The following DDX27 variants were observed in gnomAD, a reference collection of about 807,000 sequenced individuals.
The protein encoded by DDX27 is probable ATP-dependent RNA helicase DDX27.
In DDX27, 42 loss-of-function variants were observed where a neutral mutation model predicts 99.3. That is an observed-to-expected ratio of 0.42 (90% CI 0.33 to 0.55). DDX27 has a LOEUF of 0.55. DDX27 is among the 20% of genes least tolerant of loss of function. The pLI is 0.07. For missense variants in DDX27, 798 were observed against 976.8 expected, an observed-to-expected ratio of 0.82 and a Z score of 2.44; for synonymous variants, 329 against 353.8, an observed-to-expected ratio of 0.93 and a Z score of 0.79.
chr20:49,226,286 ATAG>A (rs1979883456), intron 6 of DDX27, 141 bp from the exon 7 acceptor site: 1 of 577,806 alleles, frequency 1.7e-6, no homozygotes, highest in East Asian at 2.9e-5. Context: ...CACCTCACAC[ATAG>A]TAGGCGTTCA....
chr20:49,230,121 C>G, intron 8 of DDX27, 78 bp from the exon 9 acceptor site: 1 of 1,501,104 alleles, frequency 6.7e-7, no homozygotes, highest in Admixed American at 2.1e-5. Flanking sequence ...GGCCTGAGGC[C>G]TGGTGAGTGG....
chr20:49,238,792 TAGAGA>T, intron 14 of DDX27, 152 bp from the exon 15 acceptor site: 1 of 239,376 alleles, frequency 4.2e-6, no homozygotes, highest in Non-Finnish European at 7.1e-6. Flanking sequence ...TTTTTTTTTG[TAGAGA>T]CAGAGTCTGG....
At chr20:49,242,853 C>T (rs1430643975) in intron 19 of DDX27, among the ~76,000 whole-genome samples, 172 bp downstream of exon 19, 1 of 152,026 alleles carries the variant, frequency 6.6e-6, no homozygotes, top group East Asian at 1.9e-4. Flanking sequence ...TCCCAAGAAG[C>T]TGGGACTATA....
At chr20:49,228,669 G>A (rs774124795) in intron 7 of DDX27, 46 bp from the exon 8 acceptor site, 15 of 1,517,216 alleles carry the variant, frequency 9.9e-6, no homozygotes, top group Non-Finnish European at 1.3e-5. Context: ...AACCCTGGAG[G>A]GAGCTAAACT....
chr20:49,234,846 A>G, intron 11 of DDX27, 89 bp from the exon 12 acceptor site: 2 of 1,457,034 alleles, frequency 1.4e-6, no homozygotes, highest in Non-Finnish European at 1.8e-6. Flanking sequence ...AGTGCCAGGC[A>G]CAGTGACCAT....
chr20:49,222,520 AT>A (rs1196888125), intron 2 of DDX27, among the ~76,000 whole-genome samples: 16 of 145,578 alleles, frequency 1.1e-4, no homozygotes, highest in South Asian at 2.2e-4. Flanking sequence ...GATTAAAAAA[AT>A]TTTTTTTTTT....
intron 17 of DDX27, 46 bp from the exon 18 acceptor site, chr20:49,242,035 CAG>C (rs755446973): frequency 1.9e-5 from 30 of 1,613,784 alleles, no homozygotes. Context: ...TGGGGTGGGT[CAG>C]AGTGGCCTGG....
chr20:49,222,352 C>G (rs1452955374), intron 2 of DDX27, among the ~76,000 whole-genome samples: 2 of 151,136 alleles, frequency 1.3e-5, no homozygotes, highest in Non-Finnish European at 2.9e-5. Context: ...CTCTATCACC[C>G]AGGCCGGAGT....
intron 9 of DDX27, chr20:49,231,166 G>A (rs1214628532): frequency 2.0e-5 from 3 of 152,766 alleles, no homozygotes; most frequent in African/African-American, 7.2e-5. Flanking sequence ...TGGCTGCCCT[G>A]TGACGGTCCT....
At chr20:49,230,453 G>A in intron 9 of DDX27, 104 bp downstream of exon 9, 4 of 1,377,756 alleles carry the variant, frequency 2.9e-6, no homozygotes, top group Non-Finnish European at 3.9e-6. Flanking sequence ...CTGGGCCATG[G>A]CTGTTGGTGT....
chr20:49,241,033 AC>A (rs750353398), intron 16 of DDX27, among the ~76,000 whole-genome samples: 5 of 152,150 alleles, frequency 3.3e-5, no homozygotes, highest in Non-Finnish European at 7.3e-5. Flanking sequence ...ACCACCAACA[AC>A]AAAAAACCCA....
intron 15 of DDX27, 41 bp from the exon 16 acceptor site, chr20:49,239,195 A>G (rs1361251765): frequency 1.3e-6 from 2 of 1,594,084 alleles, no homozygotes; most frequent in Admixed American, 1.7e-5. Context: ...GTGTTAGTAG[A>G]TACGGGTTTC....
At chr20:49,222,579 A>G (rs1979729345) in intron 2 of DDX27, among the ~76,000 whole-genome samples, 1 of 151,662 alleles carries the variant, frequency 6.6e-6, no homozygotes, top group Non-Finnish European at 1.5e-5. Context: ...CAATGGCGTG[A>G]TCTCGGCTCA....
In DDX27 at chr20:49,242,693, A is replaced by G. The variant is rs1357786719; in HGVS notation, c.2204+12A>G. ...CAGTATCGAGCTGGGTAGGATTTTAAGTCATCATGGAGCCCTTGGTATTCT... is the reference window on the plus strand; with the variant it reads ...CAGTATCGAGCTGGGTAGGATTTTAGGTCATCATGGAGCCCTTGGTATTCT... On this transcript the variant is annotated intron_variant, in intron 19 of 20. Transcript: ENST00000618172. 1.2e-6 allele frequency: 2 copies of G among 1,603,288 alleles called. No individual in the cohort carries two copies. Among genetic ancestry groups the G allele is most frequent in the East Asian group, 2.2e-5 (1 of 44,780 alleles).
chr20:49,233,772 C>G (rs191121991), intron 11 of DDX27, 63 bp downstream of exon 11: 3 of 1,568,418 alleles, frequency 1.9e-6, no homozygotes, highest in Non-Finnish European at 2.6e-6. Context: ...TCGTAGTATC[C>G]ATGCTGAAGT....
rs191424999 is a variant in DDX27 at position 49,234,509 on chromosome 20, C to T, written c.1274-426C>T. Reference sequence around the variant, plus strand: ...GAACTCCTGGCTTCAAGTGATCTGTCCTCCTTGGTCTCCCAAAGTGCTGGG... The same window carrying T: ...GAACTCCTGGCTTCAAGTGATCTGTTCTCCTTGGTCTCCCAAAGTGCTGGG... On this transcript the variant is annotated intron_variant, in intron 11 of 20. Transcript: ENST00000618172. 122 of 150,016 alleles carry T rather than the reference C, an allele frequency of 8.1e-4. 1 individual carries two copies. The East Asian group carries it at 0.024, about 30-fold the overall frequency. The allele number at this position is 150,016 out of a possible 1,614,324, so 9.3% of individuals were successfully genotyped here.
At chr20:49,224,772 T>C in intron 4 of DDX27, 173 bp from the exon 5 acceptor site, 1 of 661,172 alleles carries the variant, frequency 1.5e-6, no homozygotes. Context: ...TCTCTGACCT[T>C]AGGCAAGTTA....
rs762701200 is a variant in DDX27, at chr20:49,226,495, A to G, written c.666A>G (p.Leu222=). ...AGAAGGCGTGCATACCTGTGGGTCT[A>G]TTGGGGAAGGACATCTGTGCCTGTG... ...PIQKACIPVG[L]LGKDICACAA... Residue 222 remains leucine (L), a synonymous_variant, in exon 7 of 21, where the codon CTA becomes CTG. Coordinates refer to ENST00000618172, the MANE Select transcript of DDX27 (RefSeq NM_017895.8). 29 of 1,613,928 alleles carry G rather than the reference A, an allele frequency of 1.8e-5. No individual in the cohort carries two copies. In the Admixed American group the frequency reaches 2.3e-4, roughly 13 times the overall value.
intron 7 of DDX27, among the ~76,000 whole-genome samples, 184 bp downstream of exon 7, chr20:49,226,719 T>C (rs1979901629): frequency 6.6e-6 from 1 of 152,192 alleles, no homozygotes; most frequent in African/African-American, 2.4e-5. Context: ...CTTGAATTCC[T>C]AGGTTCAGGT....
Sources: allele counts gnomAD v4.1 joint callset (sites outside exome capture counted in the v4.1 genomes callset), GRCh38; gene constraint gnomAD v4.1.1; transcripts MANE v1.5; gene names NCBI Gene and HGNC (gene_info 2026-07-23, HGNC 2026-07-21).